RAB3C: variants seen among roughly 807,000 people sequenced by gnomAD.
RAB3C encodes the protein ras-related protein Rab-3C.
RAB3C carries 17 observed loss-of-function variants against 26.4 expected under a neutral mutation model. The ratio of observed to expected loss-of-function variants is 0.64; its 90% CI spans 0.44 to 0.97. RAB3C has a LOEUF of 0.97. RAB3C is among the 50% of genes least tolerant of loss of function. RAB3C has a pLI of 0.00. For missense variants in RAB3C, 242 were observed against 281.9 expected, an observed-to-expected ratio of 0.86 and a Z score of 1.01; for synonymous variants, 91 against 95.9, an observed-to-expected ratio of 0.95 and a Z score of 0.30.
intron 3 of RAB3C, among the ~76,000 whole-genome samples, chr5:58,745,116 G>T (rs1417288263): frequency 6.6e-6 from 1 of 152,006 alleles, no homozygotes; most frequent in African/African-American, 2.4e-5. Flanking sequence ...AGTAGATGGG[G>T]GCCGGGCGCG....
intron 3 of RAB3C, among the ~76,000 whole-genome samples, chr5:58,796,178 T>C (rs1742644886): frequency 6.6e-6 from 1 of 152,192 alleles, no homozygotes; most frequent in South Asian, 2.1e-4. Context: ...GATTTTATGG[T>C]GTTTGCTCCA....
At chr5:58,633,999 G>T (rs935732922) in intron 2 of RAB3C, among the ~76,000 whole-genome samples, 1 of 151,766 alleles carries the variant, frequency 6.6e-6, no homozygotes, top group Non-Finnish European at 1.5e-5. Flanking sequence ...AAATTAGCCG[G>T]GCATGGTGGC....
chr5:58,694,874 G>A (rs907923887), intron 2 of RAB3C, among the ~76,000 whole-genome samples: 8 of 152,158 alleles, frequency 5.3e-5, no homozygotes, highest in African/African-American at 1.7e-4. Flanking sequence ...CTCCCATTCT[G>A]TAGGTTGCCT....
intron 3 of RAB3C, among the ~76,000 whole-genome samples, chr5:58,745,291 G>A (rs1288663811): frequency 6.7e-6 from 1 of 150,216 alleles, no homozygotes; most frequent in African/African-American, 2.5e-5. Flanking sequence ...CCAGCTACTT[G>A]GGAGGCTGAG....
At chr5:58,824,344 TA>T (rs143428664) in intron 3 of RAB3C, among the ~76,000 whole-genome samples, 75,825 of 151,942 alleles carry the variant, frequency 0.5, 19,397 homozygotes, top group Middle Eastern at 0.67. Context: ...AAAAGTTGGT[TA>T]ATTTGTGTCA....
intron 3 of RAB3C, among the ~76,000 whole-genome samples, chr5:58,728,365 C>G (rs1181274547): frequency 2.0e-5 from 3 of 151,968 alleles, no homozygotes. Flanking sequence ...TCTCATTGAC[C>G]ACCAAGTCCA....
chr5:58,682,370 T>A lies in RAB3C; in HGVS notation c.253-43632T>A, dbSNP rs140921359. ...ATGTTAAAATAGAATGAAAAAGACA[T>A]TCTTGAGGCATTATTACTTAAAGAC... On this transcript the variant is annotated intron_variant, in intron 2 of 4. Coordinates refer to ENST00000282878, the MANE Select transcript of RAB3C (RefSeq NM_138453.4). Among the ~76,000 whole-genome samples the A allele has an allele frequency of 8.7e-4, 133 of 152,268 alleles. 1 individual carries two copies. The East Asian group carries it at 0.024, about 27-fold the overall frequency.
At position 58,854,933 on chromosome 5, in the gene RAB3C, TA is replaced by T. The variant is rs1195886387; in HGVS notation, c.*3585del. 2.6e-5 allele frequency: 4 copies of T among 152,216 alleles called. No homozygotes were observed. Among genetic ancestry groups the T allele is most frequent in the Non-Finnish European group, 4.4e-5 (3 of 68,046 alleles). The allele number at this position is 152,216 out of a possible 1,614,324, so 9.4% of individuals were successfully genotyped here. ...CTGGTTATTTTTTAAGGAACCAATT[TA>T]AACTTTCAATTTTAAATACATCTAT... On this transcript the variant is annotated 3_prime_UTR_variant, in exon 5 of 5. Coordinates refer to ENST00000282878, the MANE Select transcript of RAB3C (RefSeq NM_138453.4).
At chr5:58,762,334 G>A (rs1312440348) in intron 3 of RAB3C, among the ~76,000 whole-genome samples, 9 of 152,122 alleles carry the variant, frequency 5.9e-5, no homozygotes, top group Admixed American at 4.6e-4. Flanking sequence ...TCGTCAGTGG[G>A]ATATTTAAAG....
chr5:58,662,189 A>T (rs917633207), intron 2 of RAB3C, among the ~76,000 whole-genome samples: 2 of 150,134 alleles, frequency 1.3e-5, no homozygotes, highest in African/African-American at 5.1e-5. Context: ...CTTGGAAATT[A>T]TTAGACTCTG....
rs185646130 is a variant in RAB3C at position 58,694,162 on chromosome 5, C to A, written c.253-31840C>A. Among the ~76,000 whole-genome samples the A allele has an allele frequency of 1.6e-3, 241 of 152,222 alleles. 1 individual carries two copies. Among genetic ancestry groups the A allele is most frequent in the African/African-American group, 5.7e-3 (237 of 41,546 alleles). On this transcript the variant is annotated intron_variant, in intron 2 of 4. Coordinates refer to ENST00000282878, the MANE Select transcript of RAB3C (RefSeq NM_138453.4). ...AAGTGATCTCATTGTTCAATTCCCA[C>A]CTATGAATGAGAACATGCAGTCTTT...
At chr5:58,612,532 A>ATGTG (rs1250393146) in intron 1 of RAB3C, among the ~76,000 whole-genome samples, 2 of 87,204 alleles carry the variant, frequency 2.3e-5, no homozygotes, top group African/African-American at 8.6e-5. Flanking sequence ...ATATATATAT[A>ATGTG]TATATATATA....
At chr5:58,800,266 T>C (rs1393258938) in intron 3 of RAB3C, among the ~76,000 whole-genome samples, 1 of 152,248 alleles carries the variant, frequency 6.6e-6, no homozygotes, top group Non-Finnish European at 1.5e-5. Context: ...CACTTCTCTC[T>C]TTGTTTGCAC....
chr5:58,711,752 T>C (rs897529781), intron 2 of RAB3C, among the ~76,000 whole-genome samples: 4 of 152,164 alleles, frequency 2.6e-5, no homozygotes, highest in Admixed American at 2.6e-4. Flanking sequence ...TGTCAAATAT[T>C]ACATTTTCTT....
chr5:58,828,804 AAC>A (rs551288687), intron 4 of RAB3C, among the ~76,000 whole-genome samples: 82 of 151,860 alleles, frequency 5.4e-4, no homozygotes, highest in Non-Finnish European at 1.1e-3. Flanking sequence ...AAATTTCCAG[AAC>A]ACTGGCTTTT....
chr5:58,648,380 T>C (rs1747572067), intron 2 of RAB3C, among the ~76,000 whole-genome samples: 3 of 152,306 alleles, frequency 2.0e-5, no homozygotes, highest in Admixed American at 2.0e-4. Context: ...ACTCCCTGCT[T>C]AGTGTCTTCT....
chr5:58,644,152 G>T (rs1298865261), intron 2 of RAB3C, among the ~76,000 whole-genome samples: 1 of 152,092 alleles, frequency 6.6e-6, no homozygotes, highest in Non-Finnish European at 1.5e-5. Flanking sequence ...CACAAATACT[G>T]GCCCTCTATG....
intron 3 of RAB3C, among the ~76,000 whole-genome samples, chr5:58,811,287 A>G (rs1228921918): frequency 6.6e-6 from 1 of 152,180 alleles, no homozygotes; most frequent in African/African-American, 2.4e-5. Context: ...TACAATGACA[A>G]AACCTCTTTG....
chr5:58,627,706 C>T (rs1434578571), intron 2 of RAB3C, among the ~76,000 whole-genome samples: 2 of 152,106 alleles, frequency 1.3e-5, no homozygotes, highest in East Asian at 1.9e-4. Context: ...AACATTGCCA[C>T]TGTGGCAGCT....
Sources: allele counts gnomAD v4.1 joint callset (sites outside exome capture counted in the v4.1 genomes callset), GRCh38; gene constraint gnomAD v4.1.1; transcripts MANE v1.5; gene names NCBI Gene and HGNC (gene_info 2026-07-23, HGNC 2026-07-21).